LRP1B: variants seen among roughly 807,000 people sequenced by gnomAD.
LRP1B encodes low-density lipoprotein receptor-related protein 1B.
LRP1B carries 217 observed loss-of-function variants against 556.6 expected under a neutral mutation model. The ratio of observed to expected loss-of-function variants is 0.39; its 90% CI spans 0.35 to 0.44. The LOEUF (loss-of-function observed/expected upper bound fraction) is 0.44. LRP1B is among the 20% of genes least tolerant of loss of function. LRP1B has a pLI of 1.00. For synonymous variants in LRP1B, 2,047 were observed against 1,865.8 expected, an observed-to-expected ratio of 1.10 and a Z score of -2.50; for missense variants, 5,053 against 5,620.8, an observed-to-expected ratio of 0.90 and a Z score of 3.23.
intron 2 of LRP1B, among the ~76,000 whole-genome samples, chr2:141,643,596 T>A (rs186419110): frequency 7.6e-4 from 115 of 152,290 alleles, no homozygotes; most frequent in African/African-American, 2.6e-3. Flanking sequence ...TTGAAACGAT[T>A]GTGAATTGGT....
intron 60 of LRP1B, among the ~76,000 whole-genome samples, chr2:140,470,302 ACTCT>A (rs1332065690): frequency 2.0e-5 from 3 of 152,036 alleles, no homozygotes; most frequent in African/African-American, 4.8e-5. Context: ...AGATTTCCAA[ACTCT>A]CTCTCTTAGG....
At position 141,963,494 on chromosome 2, in the gene LRP1B, A is replaced by T. The variant is rs567455444; in HGVS notation, c.83-153093T>A. Among the ~76,000 whole-genome samples, 416 of 151,916 alleles carry T rather than the reference A, an allele frequency of 2.7e-3. 2 individuals carry two copies. The highest frequency in any genetic ancestry group is 9.7e-3 in the African/African-American group (403 of 41,446). On this transcript the variant is annotated intron_variant, in intron 1 of 90. Transcript: ENST00000389484. ...ATAAACAGAGCCAAAGACAAAAACC[A>T]CATGATTATCTCAATAGATGCAGAA...
chr2:141,628,606 G>A (rs1688786820), intron 2 of LRP1B, among the ~76,000 whole-genome samples: 1 of 152,114 alleles, frequency 6.6e-6, no homozygotes. Flanking sequence ...GCCTACAGTG[G>A]AGGGAGATGG....
intron 58 of LRP1B, among the ~76,000 whole-genome samples, chr2:140,486,706 C>T (rs1688487264): frequency 1.3e-5 from 2 of 151,572 alleles, no homozygotes; most frequent in South Asian, 4.1e-4. Context: ...AATTTAAAAA[C>T]AAAAATCTCA....
At chr2:141,989,826 C>G (rs1702293371) in intron 1 of LRP1B, among the ~76,000 whole-genome samples, 1 of 152,090 alleles carries the variant, frequency 6.6e-6, no homozygotes. Context: ...TCAATTAAAA[C>G]TATGAGTCAA....
Position 140,957,986 on chromosome 2 carries a change from T to C in LRP1B, c.2888-6046A>G, listed in dbSNP as rs553854536. Among the ~76,000 whole-genome samples, 365 of 151,666 alleles carry C rather than the reference T, an allele frequency of 2.4e-3. 1 individual carries two copies. The highest frequency in any genetic ancestry group is 8.4e-3 in the African/African-American group (348 of 41,518). On this transcript the variant is annotated intron_variant, in intron 18 of 90. Coordinates refer to ENST00000389484, the MANE Select transcript of LRP1B (RefSeq NM_018557.3). ...CAGTCACGAGCTCTACTTCCTGTAATTCAGAAATCTTAAGTTGAAAAATTC... is the reference window on the plus strand; with the variant it reads ...CAGTCACGAGCTCTACTTCCTGTAACTCAGAAATCTTAAGTTGAAAAATTC...
intron 2 of LRP1B, 88 bp from the exon 3 acceptor site, chr2:141,480,621 T>C (rs72849629): frequency 0.06 from 79,733 of 1,323,372 alleles, 3,246 homozygotes; most frequent in South Asian, 0.17. Context: ...AGCATTGTTT[T>C]ACAAAACAAA....
intron 1 of LRP1B, among the ~76,000 whole-genome samples, chr2:141,890,313 G>A (rs1404825078): frequency 9.9e-6 from 1 of 100,710 alleles, no homozygotes; most frequent in East Asian, 2.5e-4. Context: ...TCACAGGTAA[G>A]GGCACAATAC....
chr2:141,371,674 A>G (rs1689236017), intron 3 of LRP1B, among the ~76,000 whole-genome samples: 1 of 152,134 alleles, frequency 6.6e-6, no homozygotes, highest in African/African-American at 2.4e-5. Context: ...CTAGATCATT[A>G]TTAGTATATA....
intron 25 of LRP1B, 137 bp downstream of exon 25, chr2:140,883,680 G>T (rs192395234): frequency 5.2e-5 from 10 of 193,540 alleles, no homozygotes; most frequent in Admixed American, 8.3e-5. Flanking sequence ...CCACCTCCCC[G>T]CCCCCGCCAC....
intron 6 of LRP1B, among the ~76,000 whole-genome samples, chr2:141,220,669 G>T (rs1433232180): frequency 6.7e-6 from 1 of 150,256 alleles, no homozygotes; most frequent in Non-Finnish European, 1.5e-5. Context: ...AGAGAGAAAG[G>T]CCAGGTCACC....
chr2:141,583,906 A>ATTTTTTTTTTTTTTTTTTTTT (rs113916906), intron 2 of LRP1B, among the ~76,000 whole-genome samples: 4 of 145,526 alleles, frequency 2.7e-5, no homozygotes, highest in African/African-American at 1.0e-4. Flanking sequence ...TGCCCGGCTA[A>ATTTTTTTTTTTTTTTTTTTTT]TTTTTTTTTT....
chr2:140,555,607 G>T (rs150043947), intron 43 of LRP1B, among the ~76,000 whole-genome samples: 106 of 151,864 alleles, frequency 7.0e-4, no homozygotes, highest in Middle Eastern at 3.4e-3. Context: ...TAAATAAGTT[G>T]GTTTAGACCT....
In LRP1B at chr2:141,653,352, A is replaced by G. The variant is rs555106124; in HGVS notation, c.205+156927T>C. On this transcript the variant is annotated intron_variant, in intron 2 of 90. Coordinates refer to ENST00000389484, the MANE Select transcript of LRP1B (RefSeq NM_018557.3). ...TTCAATGGGAACTAGAGACTGAACC[A>G]AACTGACAATTTATAATGGCTCAAG... 6.6e-5 allele frequency among the ~76,000 whole-genome samples: 10 copies of G among 152,314 alleles called. No homozygotes were observed. In the East Asian group the frequency reaches 7.7e-4, roughly 12 times the overall value.
intron 15 of LRP1B, 23 bp downstream of exon 15, chr2:141,005,312 A>C: frequency 6.2e-7 from 1 of 1,606,328 alleles, no homozygotes; most frequent in Non-Finnish European, 8.5e-7. Context: ...TAAACAAATA[A>C]GGGTAACTTG....
chr2:141,920,256 T>C (rs1209752154), intron 1 of LRP1B, among the ~76,000 whole-genome samples: 1 of 132,244 alleles, frequency 7.6e-6, no homozygotes, highest in Admixed American at 7.8e-5. Flanking sequence ...GATCTCTGTT[T>C]CAATTTTTTT....
chr2:141,811,492 T>C (rs1696357123), intron 1 of LRP1B, among the ~76,000 whole-genome samples: 2 of 152,064 alleles, frequency 1.3e-5, no homozygotes, highest in Non-Finnish European at 2.9e-5. Context: ...TTTGATTTAA[T>C]ATGGTACATA....
At chr2:141,764,575 C>T (rs1408472398) in intron 2 of LRP1B, among the ~76,000 whole-genome samples, 1 of 152,142 alleles carries the variant, frequency 6.6e-6, no homozygotes, top group African/African-American at 2.4e-5. Context: ...AGCAAGAACA[C>T]AGCCCTCTAC....
At chr2:141,338,135 C>T (rs936471511) in intron 3 of LRP1B, among the ~76,000 whole-genome samples, 2 of 152,220 alleles carry the variant, frequency 1.3e-5, no homozygotes, top group African/African-American at 4.8e-5. Context: ...GTGTACTACC[C>T]AGTGACCAGT....
Sources: allele counts gnomAD v4.1 joint callset (sites outside exome capture counted in the v4.1 genomes callset), GRCh38; gene constraint gnomAD v4.1.1; transcripts MANE v1.5; gene names NCBI Gene and HGNC (gene_info 2026-07-23, HGNC 2026-07-21).